ERAS: variants seen among roughly 807,000 people sequenced by gnomAD.
ERAS encodes the protein ES cell expressed Ras, also known as GTPase ERas.
For synonymous variants in ERAS, 87 were observed against 89.1 expected, an observed-to-expected ratio of 0.98 and a Z score of 0.13; for missense variants, 137 against 199.2, an observed-to-expected ratio of 0.69 and a Z score of 1.88.
In ERAS at chrX:48,829,353, C is replaced by G; in HGVS notation, c.230C>G (p.Ser77Cys). Residue 77 changes from serine (S) to cysteine (C), a missense_variant, in exon 2 of 2, where the codon TCC becomes TGC. Physicochemically the swap from Ser to Cys is moderately radical, Grantham distance 112. Coordinates refer to ENST00000636362, the MANE Select transcript of ERAS (RefSeq NM_181532.3). ...GACCACGACCCCACCATCCAGGATT[C>G]CTACTGGAAGGAGTTGACCCTGGAC... ...VEDHDPTIQD[S>C]YWKELTLDSG... 1 of 1,212,045 alleles carries G rather than the reference C, an allele frequency of 8.3e-7. No homozygotes were observed. The highest frequency in any genetic ancestry group is 1.1e-6 in the Non-Finnish European group (1 of 895,335).
chrX:48,828,158 C>A (rs1280285250), intron 1 of ERAS, among the ~76,000 whole-genome samples: 2 of 108,976 alleles, frequency 1.8e-5, no homozygotes, highest in Non-Finnish European at 3.8e-5. Context: ...TCCCGAGTAG[C>A]TGGGATTACA....
chrX:48,827,820 G>A (rs1341929481), intron 1 of ERAS, among the ~76,000 whole-genome samples: 3 of 111,351 alleles, frequency 2.7e-5, no homozygotes, highest in Non-Finnish European at 5.7e-5. Flanking sequence ...TCCTTATCTT[G>A]TTACTGTCTC....
chrX:48,829,265 G>T lies in ERAS; in HGVS notation c.142G>T (p.Gly48Cys). The T allele has an allele frequency of 8.3e-7, 1 of 1,208,526 alleles. No individual in the cohort carries two copies. The highest frequency in any genetic ancestry group is 2.2e-5 in the Admixed American group (1 of 45,855). Residue 48 changes from glycine to cysteine, a missense_variant, in exon 2 of 2, where the codon GGC becomes TGC. Gly to Cys is a radical substitution (Grantham distance 159). Coordinates refer to ENST00000636362, the MANE Select transcript of ERAS (RefSeq NM_181532.3). ...GCCTGAGTACAAGGCTGTGGTGGTGGGCGCCAGTGGCGTGGGCAAGAGTGC... is the reference window on the plus strand; with the variant it reads ...GCCTGAGTACAAGGCTGTGGTGGTGTGCGCCAGTGGCGTGGGCAAGAGTGC... ...QLPEYKAVVV[G>C]ASGVGKSALT... is the part of the protein sequence containing the mutation.
At chrX:48,826,653 G>C (rs1264756308) in intron 1 of ERAS, 104 bp downstream of exon 1, 1 of 112,151 alleles carries the variant, frequency 8.9e-6, no homozygotes, top group Non-Finnish European at 1.9e-5. Context: ...CCGGGCGAGC[G>C]GCCCCTCACT....
intron 1 of ERAS, chrX:48,828,874 G>A (rs1213439922): frequency 4.2e-5 from 12 of 282,804 alleles, no homozygotes; most frequent in African/African-American, 3.1e-4. Context: ...GTTGATTCGC[G>A]TGAGGAGGGA....
At position 48,829,864 on chromosome X, in the gene ERAS, G is replaced by C; in HGVS notation, c.*39G>C. 1.9e-6 allele frequency: 2 copies of C among 1,063,555 alleles called. No individual in the cohort carries two copies. Among genetic ancestry groups the C allele is most frequent in the Non-Finnish European group, 2.5e-6 (2 of 807,567 alleles). 87.6% of individuals were successfully genotyped at this position (1,063,555 alleles called of 1,213,427 possible). A position where few individuals can be genotyped will look rare whatever the true frequency, so the allele number is the denominator to read the frequency against. On this transcript the variant is annotated 3_prime_UTR_variant, in exon 2 of 2. Coordinates refer to ENST00000636362, the MANE Select transcript of ERAS (RefSeq NM_181532.3). ...GAAATGTAGACCTTTCCCCAGGCCA[G>C]GGTGATTGTTCATTTGACATGAGAC... is the stretch of plus-strand genomic sequence containing the variant.
chrX:48,828,021 CTT>C (rs150963546), intron 1 of ERAS, among the ~76,000 whole-genome samples: 11 of 89,853 alleles, frequency 1.2e-4, no homozygotes, highest in African/African-American at 3.8e-4. Flanking sequence ...ATATAGTTCA[CTT>C]TTTTTTTTTT....
chrX:48,828,503 C>A (rs1330436540), intron 1 of ERAS, among the ~76,000 whole-genome samples: 1 of 112,115 alleles, frequency 8.9e-6, no homozygotes, highest in Non-Finnish European at 1.9e-5. Flanking sequence ...GGCTAACAGA[C>A]CACGTGATTT....
At chrX:48,828,952 G>T in intron 1 of ERAS, 129 bp from the exon 2 acceptor site, 1 of 365,344 alleles carries the variant, frequency 2.7e-6, no homozygotes, top group Non-Finnish European at 4.7e-6. Flanking sequence ...CATGCAAATT[G>T]GAAGGTGATC....
At chrX:48,828,083 G>A (rs782537909) in intron 1 of ERAS, among the ~76,000 whole-genome samples, 11 of 100,089 alleles carry the variant, frequency 1.1e-4, no homozygotes, top group African/African-American at 3.8e-4. Flanking sequence ...TGGAGTGCAA[G>A]TGGTGTGATC....
intron 1 of ERAS, among the ~76,000 whole-genome samples, chrX:48,827,180 C>A (rs1000010574): frequency 7.2e-5 from 6 of 82,860 alleles, no homozygotes; most frequent in Non-Finnish European, 1.4e-4. Context: ...GTGGAAGCTG[C>A]GCTCCGCCAC....
intron 1 of ERAS, 48 bp from the exon 2 acceptor site, chrX:48,829,033 C>A: frequency 1.3e-6 from 1 of 793,565 alleles, no homozygotes; most frequent in Non-Finnish European, 1.8e-6. Flanking sequence ...CAAATGGTCT[C>A]CCCTAACGTA....
intron 1 of ERAS, among the ~76,000 whole-genome samples, chrX:48,828,612 GT>G (rs2063165050): frequency 8.9e-6 from 1 of 111,743 alleles, no homozygotes; most frequent in Admixed American, 9.5e-5. Flanking sequence ...GGCAGGCACT[GT>G]GCTGGGCTAG....
Position 48,829,541 on chromosome X carries a change from C to T in ERAS, c.418C>T (p.Pro140Ser). The change falls in exon 2 of 2, where the codon CCT becomes TCT. Residue 140 changes from proline to serine, a missense_variant. Coordinates refer to ENST00000636362, the MANE Select transcript of ERAS (RefSeq NM_181532.3). ...GCAGCAGATATGGGCCACCTGGGGCCCTCACCCCGCCCAGCCCCTTGTCCT... is the reference window on the plus strand; with the variant it reads ...GCAGCAGATATGGGCCACCTGGGGCTCTCACCCCGCCCAGCCCCTTGTCCT... ...QLQQIWATWGPHPAQPLVLVG... is the reference protein window; with the variant it reads ...QLQQIWATWGSHPAQPLVLVG... 1 of 1,212,007 alleles carries T rather than the reference C, an allele frequency of 8.3e-7. No homozygotes were observed. Among genetic ancestry groups the T allele is most frequent in the South Asian group, 1.8e-5 (1 of 56,991 alleles).
At chrX:48,827,170 G>T (rs2063161967) in intron 1 of ERAS, among the ~76,000 whole-genome samples, 1 of 101,103 alleles carries the variant, frequency 9.9e-6, no homozygotes, top group Admixed American at 1.1e-4. Flanking sequence ...GGCACCTGGG[G>T]TGGAAGCTGC....
At position 48,829,166 on chromosome X, in the gene ERAS, G is replaced by C. The variant is rs782547746; in HGVS notation, c.43G>C (p.Ala15Pro). ...GCCTGGCACCTTCGACCTGGGCCTG[G>C]CCACATGGAGCCCTTCCTTCCAGGG... The part of the protein sequence containing the change: ...TKPGTFDLGL[A>P]TWSPSFQGET... Residue 15 changes from alanine to proline, a missense_variant, in exon 2 of 2, where the codon GCC becomes CCC. By Grantham distance (27) the Ala-to-Pro change is conservative. Transcript: ENST00000636362. 1.1e-4 allele frequency: 120 copies of C among 1,130,518 alleles called. No individual in the cohort carries two copies. The highest frequency in any genetic ancestry group is 1.4e-4 in the Non-Finnish European group (118 of 855,919). 93.2% of individuals were successfully genotyped at this position (1,130,518 alleles called of 1,213,427 possible). A position where few individuals can be genotyped will look rare whatever the true frequency, so the allele number is the denominator to read the frequency against.
At chrX:48,828,524 T>C (rs1172592294) in intron 1 of ERAS, among the ~76,000 whole-genome samples, 5 of 112,207 alleles carry the variant, frequency 4.5e-5, no homozygotes, top group African/African-American at 1.6e-4. Context: ...ACATATTTAT[T>C]TGGTTTATTA....
At chrX:48,828,194 T>A (rs1402388462) in intron 1 of ERAS, among the ~76,000 whole-genome samples, 1 of 109,881 alleles carries the variant, frequency 9.1e-6, no homozygotes, top group African/African-American at 3.3e-5. Context: ...TCCTGGCTAA[T>A]TTTTTTGTGT....
rs1557032999 is a variant in ERAS at position 48,829,328 on chromosome X, G to A, written c.205G>A (p.Asp69Asn). ...IQLNHQCFVE[D>N]HDPTIQDSYW... ...GCTGAACCACCAGTGCTTCGTGGAG[G>A]ACCACGACCCCACCATCCAGGATTC... Residue 69 changes from aspartate to asparagine, a missense_variant, in exon 2 of 2, where the codon GAC becomes AAC. By Grantham distance (23) the Asp-to-Asn change is conservative. Transcript: ENST00000636362. 1 of 1,212,151 alleles carries A rather than the reference G, an allele frequency of 8.2e-7. No homozygotes were observed.
Sources: gnomAD v4.1 joint callset for allele counts (sites outside exome capture counted in the v4.1 genomes callset) on GRCh38, gnomAD v4.1.1 for gene constraint, MANE v1.5 for transcripts, NCBI Gene and HGNC (gene_info 2026-07-23, HGNC 2026-07-21) for gene names.